The following LHFPL3 variants were observed in gnomAD, a reference collection of about 807,000 sequenced individuals.
LHFPL3 encodes the protein LHFPL tetraspan subfamily member 3.
LHFPL3 carries 5 observed loss-of-function variants against 19.3 expected under a neutral mutation model. That is an observed-to-expected ratio of 0.26 (90% CI 0.14 to 0.54). The LOEUF (loss-of-function observed/expected upper bound fraction) is 0.54, where lower values mean the gene tolerates loss of function less well. Among genes scored for constraint, LHFPL3 ranks in the 20% least tolerant of loss-of-function variants. The probability of loss-of-function intolerance (pLI) is 0.94; values close to 1 mark genes in which losing one functional copy is unlikely to be tolerated. For synonymous variants in LHFPL3, 133 were observed against 126.2 expected (o/e 1.05, Z -0.36); for missense variants, 249 against 307.4 (o/e 0.81, Z 1.42).
At chr7:104,467,039 C>T (rs921129950) in intron 1 of LHFPL3, among the ~76,000 whole-genome samples, 4 of 152,162 alleles carry the variant, frequency 2.6e-5, no homozygotes, top group Non-Finnish European at 5.9e-5. Flanking sequence ...TTTAGCTTTG[C>T]ATTCGTGCAC....
intron 1 of LHFPL3, among the ~76,000 whole-genome samples, chr7:104,616,646 TTAAAC>T (rs926531021): frequency 3.5e-4 from 54 of 152,234 alleles, no homozygotes; most frequent in African/African-American, 1.3e-3. Flanking sequence ...TGGGATCTAA[TTAAAC>T]TAAAGAGCTT....
In LHFPL3 at chr7:104,394,920, C is replaced by T. The variant is rs7796784; in HGVS notation, c.445+65696C>T. Reference sequence around the variant, plus strand: ...TTCACCATCTTAGCGAGGCTGGTCTCGAACTCCTGACTTTGTGATCCACCC... The same window carrying T: ...TTCACCATCTTAGCGAGGCTGGTCTTGAACTCCTGACTTTGTGATCCACCC... On this transcript the variant is annotated intron_variant, in intron 1 of 2. Transcript: ENST00000424859. 4.6e-5 allele frequency among the ~76,000 whole-genome samples: 7 copies of T among 151,740 alleles called. No homozygotes were observed. The East Asian group carries it at 1.2e-3, about 25-fold the overall frequency.
At chr7:104,346,988 C>T (rs1175312178) in intron 1 of LHFPL3, among the ~76,000 whole-genome samples, 1 of 150,130 alleles carries the variant, frequency 6.7e-6, no homozygotes, top group Non-Finnish European at 1.5e-5. Context: ...ACTTCTTTTA[C>T]AGGGTAATTG....
intron 1 of LHFPL3, among the ~76,000 whole-genome samples, chr7:104,555,896 G>T (rs1019227683): frequency 2.7e-4 from 41 of 152,202 alleles, no homozygotes; most frequent in African/African-American, 9.6e-4. Context: ...CCAAATGGGA[G>T]AAATTGACCA....
intron 1 of LHFPL3, among the ~76,000 whole-genome samples, chr7:104,356,911 C>T (rs998059811): frequency 1.3e-5 from 2 of 152,136 alleles, no homozygotes; most frequent in Admixed American, 6.5e-5. Flanking sequence ...AGCGGGCTAG[C>T]GAGCACTGCT....
chr7:104,562,452 C>T (rs1315333606), intron 1 of LHFPL3, among the ~76,000 whole-genome samples: 3 of 152,210 alleles, frequency 2.0e-5, no homozygotes, highest in Non-Finnish European at 2.9e-5. Flanking sequence ...ATCGCTGATA[C>T]CCTTTCTTCC....
chr7:104,492,958 G>A (rs1793387324), intron 1 of LHFPL3, among the ~76,000 whole-genome samples: 1 of 152,082 alleles, frequency 6.6e-6, no homozygotes, highest in Non-Finnish European at 1.5e-5. Flanking sequence ...TTAGGGACAT[G>A]TCCGACTGAT....
At chr7:104,335,495 A>C (rs1789781676) in intron 1 of LHFPL3, among the ~76,000 whole-genome samples, 1 of 152,246 alleles carries the variant, frequency 6.6e-6, no homozygotes, top group Non-Finnish European at 1.5e-5. Context: ...GTTAGAAAAT[A>C]ATGTGATGTC....
intron 1 of LHFPL3, among the ~76,000 whole-genome samples, chr7:104,397,729 G>T (rs1471189503): frequency 6.6e-6 from 1 of 152,186 alleles, no homozygotes; most frequent in Non-Finnish European, 1.5e-5. Flanking sequence ...GCAGAAGGAA[G>T]GGGTGTGAAC....
At position 104,478,879 on chromosome 7, in the gene LHFPL3, C is replaced by G. The variant is rs759406384; in HGVS notation, c.445+149655C>G. 2.5e-4 allele frequency among the ~76,000 whole-genome samples: 38 copies of G among 152,144 alleles called. 1 individual carries two copies. The highest frequency in any genetic ancestry group is 3.9e-4 in the Admixed American group (6 of 15,272). ...AGCACTGACTGAGTATTAGGCAGTA[C>G]CAGGACAACATTGCCCCGGAACACA... On this transcript the variant is annotated intron_variant, in intron 1 of 2. Coordinates refer to ENST00000424859, the MANE Select transcript of LHFPL3 (RefSeq NM_199000.3).
chr7:104,375,931 A>G (rs576815495), intron 1 of LHFPL3, among the ~76,000 whole-genome samples: 41 of 152,292 alleles, frequency 2.7e-4, no homozygotes, highest in African/African-American at 4.3e-4. Context: ...GTGCTTCAGC[A>G]TTGTCTGGAA....
intron 1 of LHFPL3, among the ~76,000 whole-genome samples, chr7:104,589,346 C>G (rs1208792261): frequency 1.3e-5 from 2 of 152,142 alleles, no homozygotes; most frequent in Non-Finnish European, 2.9e-5. Context: ...TGTCAAAGGA[C>G]TTTTCTGCAT....
intron 1 of LHFPL3, among the ~76,000 whole-genome samples, chr7:104,459,983 A>AT (rs1288355299): frequency 5.3e-5 from 8 of 151,968 alleles, no homozygotes; most frequent in Non-Finnish European, 1.2e-4. Context: ...CCCAATGGTT[A>AT]TTTTTTCTGA....
intron 1 of LHFPL3, among the ~76,000 whole-genome samples, chr7:104,509,275 A>G (rs1584368805): frequency 1.3e-5 from 2 of 149,688 alleles, no homozygotes; most frequent in East Asian, 1.9e-4. Context: ...GGAAAAAAAA[A>G]AAGGAAAGAA....
At chr7:104,749,262 G>A (rs1200270885) in intron 2 of LHFPL3, among the ~76,000 whole-genome samples, 5 of 152,246 alleles carry the variant, frequency 3.3e-5, no homozygotes, top group African/African-American at 1.2e-4. Context: ...ACCTCTGCTT[G>A]CAGAAATGTA....
At chr7:104,521,141 T>C (rs1210918641) in intron 1 of LHFPL3, among the ~76,000 whole-genome samples, 1 of 152,202 alleles carries the variant, frequency 6.6e-6, no homozygotes, top group Non-Finnish European at 1.5e-5. Flanking sequence ...GATTCTGGTA[T>C]GTTGTGTCTT....
intron 2 of LHFPL3, among the ~76,000 whole-genome samples, chr7:104,904,942 C>T (rs1486458701): frequency 1.3e-5 from 2 of 152,116 alleles, no homozygotes; most frequent in Non-Finnish European, 2.9e-5. Context: ...CCTGAGAATT[C>T]ATCCAAAAGA....
chr7:104,727,318 CTTTAG>C (rs1793610376), intron 1 of LHFPL3, among the ~76,000 whole-genome samples: 1 of 152,116 alleles, frequency 6.6e-6, no homozygotes, highest in Non-Finnish European at 1.5e-5. Context: ...TATGGAAGCT[CTTTAG>C]TTTAATTAAA....
Position 104,369,339 on chromosome 7 carries a change from C to T in LHFPL3, c.445+40115C>T, listed in dbSNP as rs571526352. On this transcript the variant is annotated intron_variant, in intron 1 of 2. Coordinates refer to ENST00000424859, the MANE Select transcript of LHFPL3 (RefSeq NM_199000.3). ...ATCCTACAATATGTGGCCTTTTGCA[C>T]TTGGCATCTTTCACTAATATAATGC... Among the ~76,000 whole-genome samples, 16 of 152,328 alleles carry T rather than the reference C, an allele frequency of 1.1e-4. No homozygotes were observed. In the South Asian group the frequency reaches 3.1e-3, roughly 30 times the overall value.
Sources: gnomAD v4.1 joint callset for allele counts (sites outside exome capture counted in the v4.1 genomes callset) on GRCh38, gnomAD v4.1.1 for gene constraint, MANE v1.5 for transcripts, NCBI Gene and HGNC (gene_info 2026-07-23, HGNC 2026-07-21) for gene names.